The following HMGN3 variants were observed in gnomAD, a reference collection of about 807,000 sequenced individuals.
HMGN3 encodes high mobility group nucleosome-binding domain-containing protein 3.
HMGN3 carries 6 observed loss-of-function variants against 18.8 expected under a neutral mutation model. The observed-to-expected ratio is 0.32, with a 90% CI of 0.18 to 0.63. The LOEUF (loss-of-function observed/expected upper bound fraction) is 0.63. Ranked by LOEUF, HMGN3 falls within the 30% of genes least tolerant of loss-of-function variation. The pLI is 0.79. For missense variants in HMGN3, 107 were observed against 114.2 expected (o/e 0.94, Z 0.29); for synonymous variants, 40 against 36.5 (o/e 1.10, Z -0.35).
At chr6:79,231,254 C>T (rs561829392) in intron 1 of HMGN3, among the ~76,000 whole-genome samples, 15 of 152,288 alleles carry the variant, frequency 9.8e-5, no homozygotes, top group South Asian at 2.1e-4. Flanking sequence ...CATGTCTCTT[C>T]GTAGAACATC....
At chr6:79,223,924 T>G (rs1488724971) in intron 1 of HMGN3, among the ~76,000 whole-genome samples, 4 of 152,160 alleles carry the variant, frequency 2.6e-5, no homozygotes, top group African/African-American at 9.7e-5. Context: ...TAGCTACTTG[T>G]GTACTTATTT....
intron 1 of HMGN3, among the ~76,000 whole-genome samples, chr6:79,220,256 G>A (rs748984080): frequency 6.6e-6 from 1 of 152,090 alleles, no homozygotes; most frequent in South Asian, 2.1e-4. Context: ...AGGAGGGGTG[G>A]AATAAAACAT....
intron 2 of HMGN3, among the ~76,000 whole-genome samples, chr6:79,214,532 C>A (rs1477520460): frequency 1.3e-5 from 2 of 152,140 alleles, no homozygotes; most frequent in Non-Finnish European, 2.9e-5. Flanking sequence ...TGATCCTTCT[C>A]AGGCAAAATA....
chr6:79,204,089 T>C (rs1174355009), intron 3 of HMGN3, among the ~76,000 whole-genome samples: 2 of 152,224 alleles, frequency 1.3e-5, no homozygotes, highest in Middle Eastern at 3.2e-3. Flanking sequence ...CTGTGAAGTA[T>C]TTCAAAATCA....
intron 1 of HMGN3, among the ~76,000 whole-genome samples, chr6:79,223,717 C>G (rs892612050): frequency 2.1e-5 from 3 of 144,718 alleles, no homozygotes; most frequent in African/African-American, 7.4e-5. Context: ...TTGGTCTGAG[C>G]TGTCCCTTTC....
Position 79,214,953 on chromosome 6 carries a change from A to T in HMGN3, c.66+19T>A, listed in dbSNP as rs751016170. 7.0e-6 allele frequency: 9 copies of T among 1,293,792 alleles called. No individual in the cohort carries two copies. The highest frequency in any genetic ancestry group is 9.9e-6 in the Non-Finnish European group (9 of 906,326). 80.1% of individuals were successfully genotyped at this position (1,293,792 alleles called of 1,614,324 possible). On this transcript the variant is annotated intron_variant, in intron 2 of 5. Coordinates refer to ENST00000344726, the Ensembl canonical transcript of HMGN3. ...TTCAATGTAAATAATTAAATATAGG[A>T]TGTCAAAGATATACTTACCTCCTGT...
At chr6:79,212,920 T>C (rs1776774660) in intron 2 of HMGN3, among the ~76,000 whole-genome samples, 1 of 152,180 alleles carries the variant, frequency 6.6e-6, no homozygotes, top group South Asian at 2.1e-4. Flanking sequence ...AATAACTGTG[T>C]TGATGTCCTG....
chr6:79,221,947 T>C lies in HMGN3; in HGVS notation c.16-6925A>G, dbSNP rs76959551. ...CATGTATTGGTACATGTAGTACAAA[T>C]TCATTGGTACACATAGGCTCTTAGT... On this transcript the variant is annotated intron_variant, in intron 1 of 5. Transcript: ENST00000344726. Among the ~76,000 whole-genome samples the C allele has an allele frequency of 4.4e-3, 610 of 137,250 alleles. 5 individuals are homozygous for C. The highest frequency in any genetic ancestry group is 0.014 in the South Asian group (58 of 4,138). 90.0% of individuals were successfully genotyped at this position (137,250 alleles called of 152,430 possible). A position where few individuals can be genotyped will look rare whatever the true frequency, so the allele number is the denominator to read the frequency against.
At position 79,202,390 on chromosome 6, in the gene HMGN3, C is replaced by A. The variant is rs770714776; in HGVS notation, c.148-1G>T. The A allele has an allele frequency of 1.9e-6, 3 of 1,609,350 alleles. No individual in the cohort carries two copies. The highest frequency in any genetic ancestry group is 2.6e-6 in the Non-Finnish European group (3 of 1,175,780). ...TGCTAATCTTTGCTCCAGGTTCTTT[C>A]TAACAGAGGATCAAAGCACAGTGAA... On this transcript the variant is annotated splice_acceptor_variant, in intron 4 of 5. Coordinates refer to ENST00000344726, the Ensembl canonical transcript of HMGN3. LOFTEE classifies it high-confidence loss of function.
intron 1 of HMGN3, among the ~76,000 whole-genome samples, chr6:79,218,894 C>G (rs1777130361): frequency 6.6e-6 from 1 of 152,010 alleles, no homozygotes; most frequent in Non-Finnish European, 1.5e-5. Flanking sequence ...AAACTCTAGA[C>G]CAGACACAGT....
At chr6:79,201,540 G>C (rs1171136761) in exon 6 of HMGN3, 1 of 606,514 alleles carries the variant, frequency 1.6e-6, no homozygotes, top group East Asian at 2.7e-5. Context: ...GCATGACTAT[G>C]AGACGATAAA....
chr6:79,232,336 G>A (rs1777883883), intron 1 of HMGN3, among the ~76,000 whole-genome samples: 1 of 152,168 alleles, frequency 6.6e-6, no homozygotes, highest in South Asian at 2.1e-4. Flanking sequence ...TAGATGGATG[G>A]CCATGATCGC....
chr6:79,202,105 TG>T, intron 5 of HMGN3: 1 of 1,540,934 alleles, frequency 6.5e-7, no homozygotes. Flanking sequence ...GTGTGCTGGG[TG>T]GGGTGCCTCT....
chr6:79,225,144 T>A (rs1230148860), intron 1 of HMGN3, among the ~76,000 whole-genome samples: 1 of 152,316 alleles, frequency 6.6e-6, no homozygotes, highest in South Asian at 2.1e-4. Context: ...TTACTTTTCA[T>A]ACCATGAATT....
At chr6:79,233,957 C>T (rs1391970403) in intron 1 of HMGN3, 1 of 152,540 alleles carries the variant, frequency 6.6e-6, no homozygotes, top group East Asian at 1.9e-4. Context: ...CCCCGCCTCG[C>T]CGGCCCCAGC....
chr6:79,234,607 G>C (rs1199534779), exon 1 of HMGN3: 56 of 1,598,938 alleles, frequency 3.5e-5, no homozygotes, highest in Non-Finnish European at 4.6e-5. Flanking sequence ...GACTGGAACT[G>C]CTGGCGCCGC....
chr6:79,202,125 A>G (rs757440369), intron 5 of HMGN3: 29 of 1,550,808 alleles, frequency 1.9e-5, no homozygotes, highest in Non-Finnish European at 2.5e-5. Context: ...CTGGAGGTTG[A>G]GACATTAACA....
chr6:79,229,577 T>A (rs1777734012), intron 1 of HMGN3, among the ~76,000 whole-genome samples: 1 of 152,134 alleles, frequency 6.6e-6, no homozygotes, highest in East Asian at 1.9e-4. Flanking sequence ...GGAGGTTCCT[T>A]AAAACGTTAA....
intron 1 of HMGN3, 145 bp from the exon 2 acceptor site, chr6:79,215,167 CT>C: frequency 1.7e-6 from 1 of 591,334 alleles, no homozygotes; most frequent in Non-Finnish European, 3.0e-6. Context: ...CAGGGTATGT[CT>C]TTTACACACC....
Sources: allele counts gnomAD v4.1 joint callset (sites outside exome capture counted in the v4.1 genomes callset), GRCh38; gene constraint gnomAD v4.1.1; transcripts MANE v1.5; gene names NCBI Gene and HGNC (gene_info 2026-07-23, HGNC 2026-07-21).